GTF2IRD1: variants seen among roughly 807,000 people sequenced by gnomAD.
GTF2IRD1 encodes general transcription factor II-I repeat domain-containing protein 1.
Under a neutral mutation model 113.2 loss-of-function variants are expected in GTF2IRD1, and 26 were observed. That is an observed-to-expected ratio of 0.23 (90% CI 0.17 to 0.32). GTF2IRD1 has a LOEUF of 0.32. Among genes scored for constraint, GTF2IRD1 ranks in the 10% least tolerant of loss-of-function variants. The pLI, the probability that GTF2IRD1 is intolerant of heterozygous loss-of-function variation, is 1.00. For missense variants in GTF2IRD1, 864 were observed against 1,280.8 expected, an observed-to-expected ratio of 0.67 and a Z score of 4.97; for synonymous variants, 484 against 529.1, an observed-to-expected ratio of 0.91 and a Z score of 1.17.
At chr7:74,468,672 A>C (rs1229906950) in intron 1 of GTF2IRD1, among the ~76,000 whole-genome samples, 1 of 139,068 alleles carries the variant, frequency 7.2e-6, no homozygotes. Flanking sequence ...AAAAAAAAAA[A>C]AAACTGTGTG....
At chr7:74,591,372 C>CT (rs1802050989) in intron 24 of GTF2IRD1, among the ~76,000 whole-genome samples, 1 of 139,574 alleles carries the variant, frequency 7.2e-6, no homozygotes, top group African/African-American at 2.6e-5. Context: ...CTCAGTGATT[C>CT]TCTTTTTTTT....
At chr7:74,538,306 G>A in intron 12 of GTF2IRD1, 133 bp downstream of exon 12, 1 of 848,572 alleles carries the variant, frequency 1.2e-6, no homozygotes. Flanking sequence ...CTGCCCACCT[G>A]CCTCCACTAG....
At chr7:74,556,200 C>T (rs1445480530) in intron 19 of GTF2IRD1, among the ~76,000 whole-genome samples, 10 of 150,532 alleles carry the variant, frequency 6.6e-5, no homozygotes, top group African/African-American at 9.7e-5. Context: ...TGCAGTGAGC[C>T]GAGATCATGC....
chr7:74,523,480 G>A (rs1797408767), intron 7 of GTF2IRD1, among the ~76,000 whole-genome samples: 1 of 152,202 alleles, frequency 6.6e-6, no homozygotes, highest in Non-Finnish European at 1.5e-5. Context: ...AGCACTTTGG[G>A]AGGCCAAGGC....
intron 8 of GTF2IRD1, among the ~76,000 whole-genome samples, chr7:74,528,943 G>GTGGA (rs782015964): frequency 0.052 from 6,958 of 133,810 alleles, 244 homozygotes; most frequent in Non-Finnish European, 0.061. Context: ...GGGTGGATGG[G>GTGGA]TGGATGGATG....
At chr7:74,549,194 T>G (rs1313987054) in intron 17 of GTF2IRD1, among the ~76,000 whole-genome samples, 1 of 150,612 alleles carries the variant, frequency 6.6e-6, no homozygotes, top group Non-Finnish European at 1.5e-5. Flanking sequence ...CTCCCTGTCA[T>G]CAGGAGACTG....
chr7:74,518,877 G>A (rs1484342693), intron 5 of GTF2IRD1, among the ~76,000 whole-genome samples: 2 of 152,086 alleles, frequency 1.3e-5, no homozygotes, highest in Non-Finnish European at 2.9e-5. Flanking sequence ...AACAGAGCAA[G>A]ACCCCATCTC....
At chr7:74,488,507 C>T (rs1363382394) in intron 1 of GTF2IRD1, among the ~76,000 whole-genome samples, 1 of 152,054 alleles carries the variant, frequency 6.6e-6, no homozygotes, top group African/African-American at 2.4e-5. Context: ...CCTGTAATCC[C>T]ATCACTTTGG....
chr7:74,581,610 C>T (rs1432654187), intron 22 of GTF2IRD1, among the ~76,000 whole-genome samples: 18 of 152,188 alleles, frequency 1.2e-4, no homozygotes, highest in Non-Finnish European at 1.6e-4. Flanking sequence ...CCACCACTGC[C>T]CACAGCAGTC....
At position 74,530,287 on chromosome 7, in the gene GTF2IRD1, T is replaced by C. The variant is rs587598757; in HGVS notation, c.1274+370T>C. Among the ~76,000 whole-genome samples the C allele has an allele frequency of 3.2e-4, 49 of 151,970 alleles. No homozygotes were observed. The South Asian group carries it at 8.3e-3, about 26-fold the overall frequency. On this transcript the variant is annotated intron_variant, in intron 9 of 26. Transcript: ENST00000424337. ...GGCTTGGGCTCCGGGTTTTGGGGCA[T>C]GTGGGCTAAGCAGGGGCCTGGGGAG...
intron 2 of GTF2IRD1, among the ~76,000 whole-genome samples, chr7:74,511,961 G>A (rs1251175503): frequency 6.6e-6 from 1 of 152,158 alleles, no homozygotes; most frequent in East Asian, 1.9e-4. Context: ...CCCATATAGG[G>A]TGTCCCAGTT....
chr7:74,581,030 T>C (rs1479004856), intron 22 of GTF2IRD1, among the ~76,000 whole-genome samples: 1 of 151,082 alleles, frequency 6.6e-6, no homozygotes, highest in African/African-American at 2.4e-5. Flanking sequence ...CTGGGGGGGG[T>C]TGGGGGGAGA....
chr7:74,590,929 C>T lies in GTF2IRD1; in HGVS notation c.2503C>T (p.Arg835Trp), dbSNP rs1554369353. ...VTGLPDDIPF[R>W]NPNTYDIHRL... ...GGGTCTGCCTGATGACATCCCCTTC[C>T]GGAACCCCAACACGTACGACATCCA... Residue 835 changes from arginine to tryptophan, a missense_variant, in exon 24 of 27, where the codon CGG becomes TGG. Physicochemically the swap from Arg to Trp is moderately radical, Grantham distance 101 (BLOSUM62 -3). Coordinates refer to ENST00000424337, the MANE Select transcript of GTF2IRD1 (RefSeq NM_005685.4). The T allele has an allele frequency of 5.0e-6, 8 of 1,613,636 alleles. No homozygotes were observed. The highest frequency in any genetic ancestry group is 6.8e-6 in the Non-Finnish European group (8 of 1,179,772).
chr7:74,506,410 C>T (rs1226406665), intron 1 of GTF2IRD1: 2 of 152,198 alleles, frequency 1.3e-5, no homozygotes, highest in Admixed American at 1.3e-4. Context: ...GGCCTGGTGC[C>T]CTTTGTGGTG....
intron 22 of GTF2IRD1, among the ~76,000 whole-genome samples, chr7:74,578,215 A>G (rs1801194983): frequency 6.6e-6 from 1 of 151,928 alleles, no homozygotes; most frequent in Admixed American, 6.6e-5. Flanking sequence ...GGAGTCTCGC[A>G]CTGTCGCCCA....
intron 21 of GTF2IRD1, among the ~76,000 whole-genome samples, chr7:74,559,402 G>T (rs1799811192): frequency 6.6e-6 from 1 of 152,234 alleles, no homozygotes; most frequent in Admixed American, 6.5e-5. Context: ...CCTGCACAAG[G>T]CCCAGGTCTG....
At chr7:74,514,293 C>T (rs1554343855) in intron 3 of GTF2IRD1, among the ~76,000 whole-genome samples, 1 of 152,096 alleles carries the variant, frequency 6.6e-6, no homozygotes, top group African/African-American at 2.4e-5. Flanking sequence ...GGTGCAGCCG[C>T]ATCCCCAGCC....
chr7:74,530,240 T>A (rs1797880932), intron 9 of GTF2IRD1, among the ~76,000 whole-genome samples: 1 of 151,952 alleles, frequency 6.6e-6, no homozygotes, highest in South Asian at 2.1e-4. Flanking sequence ...GGCGTAGGGG[T>A]CTGGCCTTCT....
chr7:74,540,362 TCTTGAACTC>T (rs1473451704), intron 14 of GTF2IRD1, among the ~76,000 whole-genome samples: 28 of 151,950 alleles, frequency 1.8e-4, no homozygotes, highest in African/African-American at 6.8e-4. Context: ...GTCAGGCTGG[TCTTGAACTC>T]CCGACCTCAG....
Sources: allele counts gnomAD v4.1 joint callset (sites outside exome capture counted in the v4.1 genomes callset), GRCh38; gene constraint gnomAD v4.1.1; transcripts MANE v1.5; gene names NCBI Gene and HGNC (gene_info 2026-07-23, HGNC 2026-07-21).